Variants in CAMK4 observed in about 807,000 individuals in gnomAD.
The protein encoded by CAMK4 is calcium/calmodulin-dependent protein kinase type IV.
A neutral mutation model predicts 44.9 loss-of-function variants in CAMK4; 22 were observed. The ratio of observed to expected loss-of-function variants is 0.49; its 90% CI spans 0.35 to 0.70. The LOEUF (loss-of-function observed/expected upper bound fraction) is 0.70. Among genes scored for constraint, CAMK4 ranks in the 30% least tolerant of loss-of-function variants. The pLI is 0.01. For synonymous variants in CAMK4, 218 were observed against 215.4 expected (o/e 1.01, Z -0.11); for missense variants, 498 against 586.8 (o/e 0.85, Z 1.56).
intron 1 of CAMK4, among the ~76,000 whole-genome samples, chr5:111,225,892 C>T (rs1349092475): frequency 6.6e-6 from 1 of 152,064 alleles, no homozygotes; most frequent in African/African-American, 2.4e-5. Flanking sequence ...ACATAAACAT[C>T]CATTTTTGAT....
intron 5 of CAMK4, among the ~76,000 whole-genome samples, chr5:111,413,652 G>C (rs1457418153): frequency 6.6e-6 from 1 of 151,576 alleles, no homozygotes; most frequent in Non-Finnish European, 1.5e-5. Flanking sequence ...AACGAATTTT[G>C]AAATAGAAAA....
intron 1 of CAMK4, among the ~76,000 whole-genome samples, chr5:111,273,681 A>T (rs1217965246): frequency 2.7e-5 from 1 of 37,452 alleles, no homozygotes. Context: ...ATGCATTTAT[A>T]TATATATATA....
chr5:111,471,746 A>T (rs895217110), intron 7 of CAMK4, among the ~76,000 whole-genome samples: 9 of 152,278 alleles, frequency 5.9e-5, no homozygotes, highest in African/African-American at 2.2e-4. Context: ...CTCATATTTT[A>T]TGTAACCCAG....
chr5:111,390,727 C>T (rs910592524), intron 4 of CAMK4, among the ~76,000 whole-genome samples: 1 of 152,158 alleles, frequency 6.6e-6, no homozygotes, highest in Non-Finnish European at 1.5e-5. Flanking sequence ...CCTCCAAAAG[C>T]TCTTCATAAG....
chr5:111,451,845 G>C (rs1313278687), intron 7 of CAMK4, among the ~76,000 whole-genome samples: 1 of 152,178 alleles, frequency 6.6e-6, no homozygotes, highest in Non-Finnish European at 1.5e-5. Flanking sequence ...GCTGCAGTGA[G>C]CTATGATTTT....
intron 1 of CAMK4, among the ~76,000 whole-genome samples, chr5:111,281,797 G>A (rs1407005220): frequency 2.0e-5 from 3 of 152,096 alleles, no homozygotes; most frequent in Admixed American, 6.5e-5. Context: ...GGTGGCTCAC[G>A]CCTGTAATCC....
intron 1 of CAMK4, among the ~76,000 whole-genome samples, chr5:111,328,344 G>T (rs1337052977): frequency 6.6e-6 from 1 of 151,482 alleles, no homozygotes. Flanking sequence ...TATTTCTGAG[G>T]GCTCTGTTCT....
intron 1 of CAMK4, among the ~76,000 whole-genome samples, chr5:111,238,102 G>A (rs142377020): frequency 2.6e-5 from 4 of 152,252 alleles, no homozygotes; most frequent in African/African-American, 7.2e-5. Context: ...CAGGGCTGAG[G>A]GGCAGAAGGG....
At position 111,492,834 on chromosome 5, in the gene CAMK4, T is replaced by C. The variant is rs1011444649; in HGVS notation, c.*8368T>C. 1.3e-5 allele frequency: 2 copies of C among 152,102 alleles called. No individual in the cohort carries two copies. Among genetic ancestry groups the C allele is most frequent in the African/African-American group, 4.8e-5 (2 of 41,406 alleles). 9.4% of individuals were successfully genotyped at this position (152,102 alleles called of 1,614,324 possible). ...CAACCTTATAGATACAACCTGTACATATATAACCTATGCTGCATTTAGGCA... is the reference window on the plus strand; with the variant it reads ...CAACCTTATAGATACAACCTGTACACATATAACCTATGCTGCATTTAGGCA... On this transcript the variant is annotated 3_prime_UTR_variant, in exon 11 of 11. Coordinates refer to ENST00000282356, the MANE Select transcript of CAMK4 (RefSeq NM_001744.6).
chr5:111,394,682 A>G, intron 4 of CAMK4, 28 bp from the exon 5 acceptor site: 1 of 1,512,666 alleles, frequency 6.6e-7, no homozygotes, highest in South Asian at 1.1e-5. Context: ...AATGTGCCTG[A>G]GAAGCATTTC....
chr5:111,403,575 C>T (rs951039952), intron 5 of CAMK4, among the ~76,000 whole-genome samples: 5 of 152,032 alleles, frequency 3.3e-5, no homozygotes, highest in Middle Eastern at 3.2e-3. Flanking sequence ...GATCACAGTT[C>T]CCAGAGAAGA....
intron 1 of CAMK4, among the ~76,000 whole-genome samples, chr5:111,328,477 G>T (rs1034204335): frequency 3.3e-5 from 5 of 152,068 alleles, no homozygotes; most frequent in Admixed American, 6.6e-5. Flanking sequence ...TGGCTTAGGA[G>T]TGACTTGGCG....
At chr5:111,473,587 C>T (rs1342446858) in intron 8 of CAMK4, among the ~76,000 whole-genome samples, 1 of 152,168 alleles carries the variant, frequency 6.6e-6, no homozygotes, top group Admixed American at 6.5e-5. Flanking sequence ...GACCGGAATT[C>T]TTGTCCAGGG....
chr5:111,310,918 T>C (rs550526330), intron 1 of CAMK4, among the ~76,000 whole-genome samples: 18 of 152,272 alleles, frequency 1.2e-4, no homozygotes, highest in African/African-American at 4.1e-4. Context: ...CTGACAGCAG[T>C]GGTGAGGATC....
chr5:111,367,748 G>T (rs975919443), intron 2 of CAMK4, among the ~76,000 whole-genome samples: 2 of 152,002 alleles, frequency 1.3e-5, no homozygotes, highest in Non-Finnish European at 2.9e-5. Flanking sequence ...TTAACCCATG[G>T]GCCAAATTTC....
chr5:111,339,941 CTTT>C (rs1416825864), intron 1 of CAMK4, among the ~76,000 whole-genome samples: 1 of 151,040 alleles, frequency 6.6e-6, no homozygotes, highest in Non-Finnish European at 1.5e-5. Context: ...TCTTTCACTT[CTTT>C]GTTTACATTT....
At chr5:111,266,417 T>C (rs568055446) in intron 1 of CAMK4, among the ~76,000 whole-genome samples, 1 of 152,350 alleles carries the variant, frequency 6.6e-6, no homozygotes, top group Admixed American at 6.5e-5. Context: ...TGTATTTTAC[T>C]ATTCTCAGGT....
At chr5:111,337,958 A>G (rs1360016461) in intron 1 of CAMK4, among the ~76,000 whole-genome samples, 6 of 151,154 alleles carry the variant, frequency 4.0e-5, no homozygotes, top group Non-Finnish European at 8.9e-5. Context: ...GGATAATCCA[A>G]TCTGTGTAAT....
intron 8 of CAMK4, among the ~76,000 whole-genome samples, chr5:111,474,882 G>T (rs1258776982): frequency 1.3e-5 from 2 of 152,158 alleles, no homozygotes; most frequent in Non-Finnish European, 2.9e-5. Flanking sequence ...CTTGAGAGGG[G>T]CCGGGCACAG....
Sources: gnomAD v4.1 joint callset for allele counts (sites outside exome capture counted in the v4.1 genomes callset) on GRCh38, gnomAD v4.1.1 for gene constraint, MANE v1.5 for transcripts, NCBI Gene and HGNC (gene_info 2026-07-23, HGNC 2026-07-21) for gene names.